Variants in FXYD7 observed in about 807,000 individuals in gnomAD.
FXYD7 encodes FXYD domain-containing ion transport regulator 7.
Under a neutral mutation model 15.3 loss-of-function variants are expected in FXYD7, and 7 were observed. That is an observed-to-expected ratio of 0.46 (90% CI 0.26 to 0.86). The LOEUF is 0.86. Among genes scored for constraint, FXYD7 ranks in the 40% least tolerant of loss-of-function variants. The pLI, the probability that FXYD7 is intolerant of heterozygous loss-of-function variation, is 0.16. For missense variants in FXYD7, 78 were observed against 100.6 expected, an observed-to-expected ratio of 0.78 and a Z score of 0.96; for synonymous variants, 39 against 39.3, an observed-to-expected ratio of 0.99 and a Z score of 0.03.
chr19:35,151,624 C>T lies in FXYD7; in HGVS notation c.180-9C>T. 1.9e-6 allele frequency: 3 copies of T among 1,611,820 alleles called. No individual in the cohort carries two copies. Among genetic ancestry groups the T allele is most frequent in the Non-Finnish European group, 1.7e-6 (2 of 1,177,912 alleles). ...TTTCTACTTTTCTCTCTCATCTCTG[C>T]CTCCACAGCCCAACCTGCAAATCCT... On this transcript the variant is annotated splice_polypyrimidine_tract_variant and intron_variant, in intron 4 of 5. Coordinates refer to ENST00000270310, the MANE Select transcript of FXYD7 (RefSeq NM_022006.2).
At position 35,154,016 on chromosome 19, in the gene FXYD7, C is replaced by A. The variant is rs1365814111; in HGVS notation, c.*100C>A. 4 of 1,169,078 alleles carry A rather than the reference C, an allele frequency of 3.4e-6. No homozygotes were observed. In the African/African-American group the frequency reaches 4.5e-5, roughly 13 times the overall value. The allele number at this position is 1,169,078 out of a possible 1,614,324, so 72.4% of individuals were successfully genotyped here. ...ACCCAGCCGCGCGCCGGGAGCGCTC[C>A]CCGGAATGAGCCGCCCCACCCACCC... On this transcript the variant is annotated 3_prime_UTR_variant, in exon 6 of 6. Transcript: ENST00000270310.
intron 2 of FXYD7, among the ~76,000 whole-genome samples, chr19:35,149,999 T>C (rs2861494): frequency 0.49 from 74,710 of 151,716 alleles, 20,453 homozygotes; most frequent in African/African-American, 0.75. Flanking sequence ...TCACTGCAAC[T>C]CCCGCCTCCC....
chr19:35,148,093 AAGAG>A (rs770163373), intron 1 of FXYD7, among the ~76,000 whole-genome samples: 140 of 125,010 alleles, frequency 1.1e-3, no homozygotes, highest in African/African-American at 3.4e-3. Context: ...GAAAGAAAGA[AAGAG>A]AGAGAGAAAG....
At chr19:35,148,107 G>T (rs2145396559) in intron 1 of FXYD7, among the ~76,000 whole-genome samples, 1 of 130,788 alleles carries the variant, frequency 7.6e-6, no homozygotes, top group East Asian at 2.7e-4. Context: ...GAGAGAGAAA[G>T]AAAGAGGGGA....
At chr19:35,145,582 T>C (rs1242063022) in intron 1 of FXYD7, among the ~76,000 whole-genome samples, 1 of 152,208 alleles carries the variant, frequency 6.6e-6, no homozygotes, top group African/African-American at 2.4e-5. Flanking sequence ...GAGCCTTTCA[T>C]AAATGTCAGG....
Position 35,154,171 on chromosome 19 carries a change from G to A in FXYD7, c.*255G>A, listed in dbSNP as rs1159129621. On this transcript the variant is annotated 3_prime_UTR_variant, in exon 6 of 6. Transcript: ENST00000270310. ...CTCCTGGGATCCGGGAGTCCATCCC[G>A]GCCCAGCACCCCCAGCATCCCCGTG... 3 of 538,736 alleles carry A rather than the reference G, an allele frequency of 5.6e-6. No individual in the cohort carries two copies. The highest frequency in any genetic ancestry group is 9.8e-6 in the Non-Finnish European group (3 of 305,464). The allele number at this position is 538,736 out of a possible 1,614,324, so 33.4% of individuals were successfully genotyped here.
At chr19:35,146,201 G>A (rs557862004) in intron 1 of FXYD7, among the ~76,000 whole-genome samples, 6 of 151,636 alleles carry the variant, frequency 4.0e-5, no homozygotes, top group African/African-American at 9.7e-5. Context: ...GCAGTGGCAC[G>A]ATCTTGGCTT....
At chr19:35,151,406 C>T (rs1198480079) in intron 3 of FXYD7, 34 bp from the exon 4 acceptor site, 2 of 1,612,566 alleles carry the variant, frequency 1.2e-6, no homozygotes, top group Non-Finnish European at 1.7e-6. Context: ...CCCGCTATGT[C>T]CTGTCTTCTT....
chr19:35,148,835 C>A (rs774853897), intron 2 of FXYD7, 112 bp downstream of exon 2: 11 of 930,016 alleles, frequency 1.2e-5, no homozygotes, highest in Non-Finnish European at 2.0e-5. Context: ...GGGCCACTGG[C>A]CACGGGACCA....
intron 5 of FXYD7, among the ~76,000 whole-genome samples, chr19:35,152,940 TAAAAAAAAAAAAA>T (rs534802680): frequency 0.011 from 1,136 of 105,910 alleles, 17 homozygotes; most frequent in African/African-American, 0.021. Context: ...TTCTTATAAC[TAAAAAAAAAAAAA>T]AAAAAAAAAA....
rs200563387 is a variant in FXYD7, at chr19:35,148,711, C to T, written c.49C>T (p.Pro17Ser). Residue 17 changes from proline (P) to serine (S), a missense_variant, in exon 2 of 6, where the codon CCA becomes TCA. Pro to Ser is a moderately conservative substitution (Grantham distance 74). Transcript: ENST00000270310. ...TPTKAPEEPD[P>S]FYYDYNTVQT... is the part of the protein sequence containing the mutation. ...TCCCTCAGCTCCTGAGGAACCTGAC[C>T]CATTTTACTATGGTGAGTGTTGGAT... The T allele has an allele frequency of 2.5e-6, 4 of 1,587,386 alleles. No homozygotes were observed. Among genetic ancestry groups the T allele is most frequent in the Admixed American group, 3.5e-5 (2 of 57,752 alleles).
intron 2 of FXYD7, among the ~76,000 whole-genome samples, chr19:35,150,942 C>A (rs1049299702): frequency 6.6e-6 from 1 of 151,700 alleles, no homozygotes; most frequent in African/African-American, 2.4e-5. Flanking sequence ...GCCAGATGGG[C>A]GACAATGGTG....
chr19:35,146,879 C>T (rs56972611), intron 1 of FXYD7, among the ~76,000 whole-genome samples: 3,660 of 152,214 alleles, frequency 0.024, 165 homozygotes, highest in African/African-American at 0.079. Flanking sequence ...ATTGTGTGAA[C>T]CGTGGTCTTG....
intron 1 of FXYD7, among the ~76,000 whole-genome samples, chr19:35,148,073 A>AAG (rs1448656328): frequency 7.4e-6 from 1 of 135,880 alleles, no homozygotes; most frequent in Non-Finnish European, 1.6e-5. Flanking sequence ...GAAAGAAAGA[A>AAG]AGAAAGAAAG....
At chr19:35,152,134 C>CAAAAAAAAAAAAAA (rs71167517) in intron 5 of FXYD7, among the ~76,000 whole-genome samples, 790 of 45,118 alleles carry the variant, frequency 0.018, 74 homozygotes, top group African/African-American at 0.021. Context: ...GTGAGACTGT[C>CAAAAAAAAAAAAAA]AAAAAAAAAA....
At position 35,143,478 on chromosome 19, in the gene FXYD7, T is replaced by G; in HGVS notation, c.31+114T>G. The G allele has an allele frequency of 2.6e-5, 20 of 782,756 alleles. No individual in the cohort carries two copies. The highest frequency in any genetic ancestry group is 3.4e-5 in the Non-Finnish European group (18 of 530,568). The allele number at this position is 782,756 out of a possible 1,614,324, so 48.5% of individuals were successfully genotyped here. ...AGGCAAGGGAGTTGGGGGAGGGAGGTCCGCTCCTCCTGTGGGCGGAAGCCC... is the reference window on the plus strand; with the variant it reads ...AGGCAAGGGAGTTGGGGGAGGGAGGGCCGCTCCTCCTGTGGGCGGAAGCCC... On this transcript the variant is annotated intron_variant, in intron 1 of 5. Coordinates refer to ENST00000270310, the MANE Select transcript of FXYD7 (RefSeq NM_022006.2). The surrounding 1 kb of genome is among the most constrained non-coding windows in gnomAD (Gnocchi z 4.3).
chr19:35,147,652 C>T (rs2065293143), intron 1 of FXYD7, among the ~76,000 whole-genome samples: 1 of 152,228 alleles, frequency 6.6e-6, no homozygotes, highest in South Asian at 2.1e-4. Context: ...ACAGGGAAAA[C>T]TATTACAAAC....
At chr19:35,151,713 G>A in intron 5 of FXYD7, 40 bp downstream of exon 5, 1 of 1,528,712 alleles carries the variant, frequency 6.5e-7, no homozygotes, top group Non-Finnish European at 9.1e-7. Context: ...AGAGTTTTAG[G>A]TGGGGCAGGG....
chr19:35,149,153 A>G, intron 2 of FXYD7: 2 of 414,958 alleles, frequency 4.8e-6, no homozygotes, highest in South Asian at 3.5e-5. Context: ...GACTGTGGGA[A>G]AGATACCTGA....
Sources: allele counts gnomAD v4.1 joint callset (sites outside exome capture counted in the v4.1 genomes callset), GRCh38; gene constraint gnomAD v4.1.1; non-coding constraint Gnocchi (gnomAD v3.1); transcripts MANE v1.5; gene names NCBI Gene and HGNC (gene_info 2026-07-23, HGNC 2026-07-21).